Variants in PSAP observed in about 807,000 individuals in gnomAD.
PSAP encodes precursor of saposins.
In PSAP, 25 loss-of-function variants were observed where a neutral mutation model predicts 66.0. That is an observed-to-expected ratio of 0.38 (90% CI 0.28 to 0.53). The LOEUF is 0.53. PSAP is among the 20% of genes least tolerant of loss of function. The pLI is 0.83. For synonymous variants in PSAP, 273 were observed against 258.9 expected, an observed-to-expected ratio of 1.05 and a Z score of -0.52; for missense variants, 649 against 668.8, an observed-to-expected ratio of 0.97 and a Z score of 0.33.
chr10:71,829,086 A>G lies in PSAP; in HGVS notation c.376-9T>C, dbSNP rs1008892591. 5 of 1,612,702 alleles carry G rather than the reference A, an allele frequency of 3.1e-6. No homozygotes were observed. In the African/African-American group the frequency reaches 6.7e-5, roughly 22 times the overall value. On this transcript the variant is annotated splice_polypyrimidine_tract_variant and intron_variant, in intron 4 of 13. Transcript: ENST00000394936. Reference sequence around the variant, plus strand: ...ACCTCCCCAGGACGGCTCTGGTGGGATGGAAAGAAGTCCTGCTGAAAATCC... The same window carrying G: ...ACCTCCCCAGGACGGCTCTGGTGGGGTGGAAAGAAGTCCTGCTGAAAATCC...
chr10:71,823,706 G>C (rs1300555582), intron 7 of PSAP, among the ~76,000 whole-genome samples: 3 of 152,078 alleles, frequency 2.0e-5, no homozygotes, highest in Admixed American at 6.6e-5. Flanking sequence ...AAACCTCAAG[G>C]GCTGAATTAC....
intron 1 of PSAP, among the ~76,000 whole-genome samples, chr10:71,841,805 A>G (rs1842738434): frequency 2.0e-5 from 3 of 152,142 alleles, no homozygotes; most frequent in African/African-American, 7.2e-5. Flanking sequence ...CAGGAGTTCG[A>G]GACCAGCCTG....
intron 1 of PSAP, chr10:71,844,730 TTG>T (rs1375228551): frequency 6.6e-6 from 1 of 152,252 alleles, no homozygotes; most frequent in East Asian, 1.9e-4. Context: ...CTACATATTT[TTG>T]TAGGGGGCTT....
intron 1 of PSAP, among the ~76,000 whole-genome samples, chr10:71,838,670 C>A (rs764278555): frequency 1.3e-5 from 2 of 152,102 alleles, no homozygotes; most frequent in Non-Finnish European, 2.9e-5. Context: ...GTGGGAGGAT[C>A]GATTGAGCCC....
chr10:71,846,886 C>A (rs1439333193), intron 1 of PSAP, among the ~76,000 whole-genome samples: 2 of 152,110 alleles, frequency 1.3e-5, no homozygotes, highest in African/African-American at 2.4e-5. Flanking sequence ...TAGCCAGTAA[C>A]CTAGAATCTC....
chr10:71,839,132 A>G (rs4747204), intron 1 of PSAP, among the ~76,000 whole-genome samples: 116,909 of 152,128 alleles, frequency 0.77, 45,066 homozygotes, highest in South Asian at 0.8. Context: ...TTGACCTCCT[A>G]AAGATTTCCA....
intron 7 of PSAP, chr10:71,824,038 A>G (rs2133038202): frequency 1.7e-6 from 1 of 575,340 alleles, no homozygotes; most frequent in South Asian, 1.5e-5. Context: ...TGCTCTTGCA[A>G]TCAGATCTTA....
At chr10:71,844,488 A>G (rs555164393) in intron 1 of PSAP, among the ~76,000 whole-genome samples, 1 of 152,308 alleles carries the variant, frequency 6.6e-6, no homozygotes, top group African/African-American at 2.4e-5. Context: ...CAACATGGTG[A>G]AACCCTGTGT....
In PSAP at chr10:71,821,798, G is replaced by GT. The variant is rs1842304609; in HGVS notation, c.909+77dup. 20 of 1,593,160 alleles carry GT rather than the reference G, an allele frequency of 1.3e-5. No individual in the cohort carries two copies. The South Asian group carries it at 1.9e-4, about 15-fold the overall frequency. ...GGGAACCGAAAGAAACAAGTGACTC[G>GT]TAAGATGTGATGTGACACAGCAGGG... is the stretch of plus-strand genomic sequence containing the variant. On this transcript the variant is annotated intron_variant, in intron 8 of 13. Transcript: ENST00000394936.
At chr10:71,827,224 G>A (rs1005889093) in intron 6 of PSAP, among the ~76,000 whole-genome samples, 40 of 151,264 alleles carry the variant, frequency 2.6e-4, no homozygotes, top group Admixed American at 1.8e-3. Flanking sequence ...GTGAAACCCC[G>A]TCTCCACTAA....
chr10:71,823,127 C>G (rs942531636), intron 7 of PSAP, among the ~76,000 whole-genome samples: 2 of 152,126 alleles, frequency 1.3e-5, no homozygotes. Flanking sequence ...AACCAAAGTC[C>G]TCTCCCATTA....
In PSAP at chr10:71,817,327, G is replaced by A. The variant is rs1275456019; in HGVS notation, c.*114C>T. On this transcript the variant is annotated 3_prime_UTR_variant, in exon 14 of 14. Transcript: ENST00000394936. ...AAAGGACACAGAAATGGGGGAGGTG[G>A]GGGAGCCCTATTTTTATAACAAAGT... 1 of 1,154,568 alleles carries A rather than the reference G, an allele frequency of 8.7e-7. No homozygotes were observed. Among genetic ancestry groups the A allele is most frequent in the South Asian group, 1.2e-5 (1 of 81,856 alleles). 71.5% of individuals were successfully genotyped at this position (1,154,568 alleles called of 1,614,324 possible).
intron 13 of PSAP, 59 bp from the exon 14 acceptor site, chr10:71,817,535 A>C (rs1842194996): frequency 6.5e-7 from 1 of 1,536,766 alleles, no homozygotes; most frequent in Non-Finnish European, 9.0e-7. Context: ...TTCCCGGCCC[A>C]TCAATGTATC....
At chr10:71,844,303 C>T (rs146592446) in intron 1 of PSAP, among the ~76,000 whole-genome samples, 2 of 152,166 alleles carry the variant, frequency 1.3e-5, no homozygotes, top group Non-Finnish European at 2.9e-5. Context: ...GAGACATGTA[C>T]GAGAATTTTT....
chr10:71,817,590 C>A, intron 13 of PSAP, 114 bp from the exon 14 acceptor site: 2 of 987,294 alleles, frequency 2.0e-6, no homozygotes, highest in Non-Finnish European at 3.3e-6. Context: ...CCTAGGTCAG[C>A]TGGATGGCAC....
At chr10:71,851,091 G>T in intron 1 of PSAP, 91 bp downstream of exon 1, 1 of 1,437,328 alleles carries the variant, frequency 7.0e-7, no homozygotes, top group Non-Finnish European at 9.6e-7. Context: ...AGGGCAGGGG[G>T]AGCAGAGGGG....
intron 1 of PSAP, among the ~76,000 whole-genome samples, chr10:71,838,235 C>T (rs1020880258): frequency 2.0e-5 from 3 of 152,232 alleles, no homozygotes; most frequent in Admixed American, 6.5e-5. Context: ...GCAAATGGCA[C>T]TAACAGGGTT....
rs563259255 is a variant in PSAP, at chr10:71,818,618, T to C, written c.1538A>G (p.Asn513Ser). The C allele has an allele frequency of 1.9e-6, 3 of 1,613,346 alleles. No homozygotes were observed. Among genetic ancestry groups the C allele is most frequent in the African/African-American group, 1.3e-5 (1 of 74,990 alleles). The change falls in exon 13 of 14, where the codon AAT becomes AGT. Residue 513 changes from asparagine (N) to serine (S), a missense_variant and splice_region_variant. By Grantham distance (46) the Asn-to-Ser change is conservative (BLOSUM62 1). Transcript: ENST00000394936. ...GACACTGTCTGCTGAGCTACTCACA[T>C]TGCACTGGGCTGCTGTCTCTGTGTT... ...CQNTETAAQCNAVEHCKRHVW... is the reference protein window; with the variant it reads ...CQNTETAAQCSAVEHCKRHVW...
At chr10:71,821,792 T>G in intron 8 of PSAP, 84 bp downstream of exon 8, 3 of 1,583,340 alleles carry the variant, frequency 1.9e-6, no homozygotes, top group Non-Finnish European at 1.7e-6. Context: ...AAGAAACAAG[T>G]GACTCGTAAG....
Sources: allele counts gnomAD v4.1 joint callset (sites outside exome capture counted in the v4.1 genomes callset), GRCh38; gene constraint gnomAD v4.1.1; transcripts MANE v1.5; gene names NCBI Gene and HGNC (gene_info 2026-07-23, HGNC 2026-07-21).